Variants in DCUN1D2 observed in about 807,000 individuals in gnomAD.
DCUN1D2 encodes defective in cullin neddylation 1 domain containing 2.
DCUN1D2 carries 29 observed loss-of-function variants against 30.9 expected under a neutral mutation model. The observed-to-expected ratio is 0.94, with a 90% confidence interval of 0.70 to 1.28. The LOEUF (loss-of-function observed/expected upper bound fraction) is 1.28. Among genes scored for constraint, DCUN1D2 ranks in the 50% most tolerant of loss-of-function variants. The pLI is 0.00. For synonymous variants in DCUN1D2, 121 were observed against 115.3 expected (o/e 1.05, Z -0.32); for missense variants, 325 against 316.9 (o/e 1.03, Z -0.19).
chr13:113,475,315 C>T (rs891194988), intron 3 of DCUN1D2: 2 of 152,224 alleles, frequency 1.3e-5, no homozygotes, highest in Admixed American at 6.5e-5. Context: ...ACCATTTCCA[C>T]CTTCAGATGT....
At chr13:113,459,246 C>A (rs2139671394) in intron 6 of DCUN1D2, 66 bp downstream of exon 6, 1 of 862,278 alleles carries the variant, frequency 1.2e-6, no homozygotes. Flanking sequence ...ACTCTAGAGG[C>A]AGGAGAAGTT....
intron 4 of DCUN1D2, among the ~76,000 whole-genome samples, chr13:113,465,713 C>A (rs1237820401): frequency 6.7e-6 from 1 of 149,334 alleles, no homozygotes; most frequent in African/African-American, 2.5e-5. Flanking sequence ...GTCGCCCAGG[C>A]TGGAGTGCAG....
chr13:113,480,730 T>C lies in DCUN1D2; in HGVS notation c.234A>G (p.Glu78=). Residue 78 remains glutamate, a synonymous_variant, in exon 3 of 7, where the codon GAA becomes GAG. Transcript: ENST00000478244. ...LYGRYKDPQD[E]NKIGVDGIQQ... The stretch of plus-strand genomic sequence containing the variant: ...GAATCCCATCGACTCCAATTTTGTT[T>C]TCATCTTGTGGATCTGTAGTTAATA... 1.2e-6 allele frequency: 2 copies of C among 1,614,020 alleles called. No individual in the cohort carries two copies. The highest frequency in any genetic ancestry group is 8.5e-7 in the Non-Finnish European group (1 of 1,179,970).
intron 4 of DCUN1D2, 135 bp from the exon 5 acceptor site, chr13:113,461,271 T>A (rs774831735): frequency 4.9e-6 from 3 of 615,004 alleles, no homozygotes; most frequent in Non-Finnish European, 8.5e-6. Flanking sequence ...TGAGGCTTAA[T>A]CTCTACGGAA....
At chr13:113,458,471 G>A (rs2044263593) in intron 6 of DCUN1D2, among the ~76,000 whole-genome samples, 1 of 152,196 alleles carries the variant, frequency 6.6e-6, no homozygotes, top group African/African-American at 2.4e-5. Flanking sequence ...AGCAGGGGGT[G>A]CTCCCTCCTG....
intron 4 of DCUN1D2, among the ~76,000 whole-genome samples, chr13:113,473,046 C>T (rs531124153): frequency 3.6e-4 from 51 of 142,692 alleles, no homozygotes; most frequent in Non-Finnish European, 6.3e-4. Flanking sequence ...CGTGTCCCCC[C>T]GTGCCTGTCT....
At chr13:113,477,898 G>T (rs763074397) in intron 3 of DCUN1D2, among the ~76,000 whole-genome samples, 1 of 151,916 alleles carries the variant, frequency 6.6e-6, no homozygotes, top group African/African-American at 2.4e-5. Context: ...TATCGTCTTG[G>T]GTTTTTTGCT....
intron 4 of DCUN1D2, among the ~76,000 whole-genome samples, chr13:113,465,057 A>G (rs902823548): frequency 7.2e-5 from 11 of 152,258 alleles, no homozygotes; most frequent in African/African-American, 2.7e-4. Flanking sequence ...TAATCTTTTA[A>G]ACATTTTTCC....
At chr13:113,486,662 G>A (rs1309819210) in intron 1 of DCUN1D2, among the ~76,000 whole-genome samples, 1 of 152,166 alleles carries the variant, frequency 6.6e-6, no homozygotes, top group African/African-American at 2.4e-5. Context: ...GGAGTCACAG[G>A]TCCGCCCTCC....
intron 4 of DCUN1D2, among the ~76,000 whole-genome samples, chr13:113,472,161 C>T (rs548035359): frequency 1.3e-5 from 2 of 152,120 alleles, no homozygotes; most frequent in South Asian, 2.1e-4. Flanking sequence ...GATATTCTAA[C>T]GCTATCCTCA....
intron 1 of DCUN1D2, among the ~76,000 whole-genome samples, chr13:113,486,348 G>A (rs1266284615): frequency 2.0e-5 from 3 of 152,190 alleles, no homozygotes; most frequent in African/African-American, 7.2e-5. Flanking sequence ...GGGCCTGCTT[G>A]AGGGTGGCAG....
At chr13:113,484,173 C>T in intron 1 of DCUN1D2, 117 bp from the exon 2 acceptor site, 1 of 1,509,180 alleles carries the variant, frequency 6.6e-7, no homozygotes, top group Non-Finnish European at 8.8e-7. Flanking sequence ...TGCTCTTCAT[C>T]AGTTACAAAG....
At chr13:113,462,717 T>C (rs1245223785) in intron 4 of DCUN1D2, 2 of 991,728 alleles carry the variant, frequency 2.0e-6, no homozygotes, top group East Asian at 2.2e-4. Context: ...AACTGAGATA[T>C]GGAACAGCTC....
chr13:113,458,594 A>G (rs540153326), intron 6 of DCUN1D2, among the ~76,000 whole-genome samples: 2 of 152,342 alleles, frequency 1.3e-5, no homozygotes, highest in South Asian at 2.1e-4. Flanking sequence ...GCTTCTGTCA[A>G]TGAGATTCAG....
Position 113,473,997 on chromosome 13 carries a change from C to T in DCUN1D2, c.520+127G>A, listed in dbSNP as rs2044568339. The T allele has an allele frequency of 4.3e-6, 5 of 1,157,396 alleles. No individual in the cohort carries two copies. In the African/African-American group the frequency reaches 4.6e-5, roughly 11 times the overall value. The allele number at this position is 1,157,396 out of a possible 1,614,324, so 71.7% of individuals were successfully genotyped here. ...TCCAGCCTAGGTGACAGAGCAAGAC[C>T]GTATCTCCAAAAAACCAAACCAAAA... is the stretch of plus-strand genomic sequence containing the variant. On this transcript the variant is annotated intron_variant, in intron 4 of 6. Transcript: ENST00000478244.
intron 4 of DCUN1D2, among the ~76,000 whole-genome samples, chr13:113,469,865 T>A (rs977614917): frequency 1.3e-5 from 2 of 152,032 alleles, no homozygotes; most frequent in African/African-American, 2.4e-5. Context: ...TTTTTTTTTT[T>A]AAGTGTGATC....
intron 1 of DCUN1D2, among the ~76,000 whole-genome samples, chr13:113,485,768 C>T (rs1037514775): frequency 2.0e-5 from 3 of 151,980 alleles, no homozygotes; most frequent in African/African-American, 7.3e-5. Context: ...CTCCCGTGTG[C>T]ATCTGGGATC....
At chr13:113,465,574 C>T (rs2044387874) in intron 4 of DCUN1D2, among the ~76,000 whole-genome samples, 2 of 151,482 alleles carry the variant, frequency 1.3e-5, no homozygotes, top group Admixed American at 1.3e-4. Context: ...GTCAGGAGCA[C>T]AGGTGGCCCT....
rs1393871300 is a variant in DCUN1D2 at position 113,476,322 on chromosome 13, T to A, written c.390-2068A>T. The stretch of plus-strand genomic sequence containing the variant: ...TACACTGGAGTCCCCCTCCACGCAT[T>A]TGCACTCACATTTGCTATCGTGTCT... On this transcript the variant is annotated intron_variant, in intron 3 of 6. Coordinates refer to ENST00000478244, the MANE Select transcript of DCUN1D2 (RefSeq NM_001014283.2). Among the ~76,000 whole-genome samples, 69 of 152,174 alleles carry A rather than the reference T, an allele frequency of 4.5e-4. 1 individual carries two copies. The highest frequency in any genetic ancestry group is 1.5e-5 in the Non-Finnish European group (1 of 68,022).
Sources: allele counts gnomAD v4.1 joint callset (sites outside exome capture counted in the v4.1 genomes callset), GRCh38; gene constraint gnomAD v4.1.1; transcripts MANE v1.5; gene names NCBI Gene and HGNC (gene_info 2026-07-23, HGNC 2026-07-21).